Variants in MAN2A2 observed in about 807,000 individuals in gnomAD.
MAN2A2 encodes mannosidase alpha class 2A member 2.
A neutral mutation model predicts 126.8 loss-of-function variants in MAN2A2; 79 were observed. The observed-to-expected ratio is 0.62, with a 90% confidence interval of 0.52 to 0.75. MAN2A2 has a LOEUF of 0.75. Ranked by LOEUF, MAN2A2 falls within the 30% of genes least tolerant of loss-of-function variation. MAN2A2 has a pLI of 0.00. For missense variants in MAN2A2, 1,392 were observed against 1,522.4 expected, an observed-to-expected ratio of 0.91 and a Z score of 1.43; for synonymous variants, 671 against 618.7, an observed-to-expected ratio of 1.08 and a Z score of -1.25.
Position 90,919,705 on chromosome 15 carries a change from A to T in MAN2A2, c.3371A>T (p.Tyr1124Phe). Residue 1124 changes from tyrosine (Y) to phenylalanine (F), a missense_variant, in exon 23 of 23, where the codon TAC (tyrosine) becomes TTC (phenylalanine). Coordinates refer to ENST00000559717, the MANE Select transcript of MAN2A2 (RefSeq NM_006122.4). Reference protein sequence around the residue: ...FLQPTSLTLLYPLASPSNSTD... With the variant: ...FLQPTSLTLLFPLASPSNSTD... ...CAGCCAACCTCCTTGACGTTACTGT[A>T]CCCTCTGGCCTCCCCGTCCAACAGC... The T allele has an allele frequency of 6.2e-7, 1 of 1,614,088 alleles. No individual in the cohort carries two copies. Among genetic ancestry groups the T allele is most frequent in the Non-Finnish European group, 8.5e-7 (1 of 1,180,016 alleles).
chr15:90,906,265 A>G (rs1365159956), intron 5 of MAN2A2, 105 bp from the exon 6 acceptor site: 2 of 1,470,084 alleles, frequency 1.4e-6, no homozygotes, highest in Non-Finnish European at 9.3e-7. Flanking sequence ...TGGGATTGGG[A>G]GAACTGGTCC....
chr15:90,918,423 A>G, intron 21 of MAN2A2, 35 bp downstream of exon 21: 1 of 1,594,496 alleles, frequency 6.3e-7, no homozygotes, highest in Non-Finnish European at 8.6e-7. Flanking sequence ...CTGAGAGCAG[A>G]GTTCTGATGG....
chr15:90,913,030 T>C lies in MAN2A2; in HGVS notation c.2584+39T>C, dbSNP rs765894336. ...ATGAGGAAGGGTCTGGAAGGAGGTGTGGGCTCCACAACTGTGGCGTATTCT... is the reference window on the plus strand; with the variant it reads ...ATGAGGAAGGGTCTGGAAGGAGGTGCGGGCTCCACAACTGTGGCGTATTCT... On this transcript the variant is annotated intron_variant, in intron 17 of 22. Transcript: ENST00000559717. 19 of 1,535,322 alleles carry C rather than the reference T, an allele frequency of 1.2e-5. No homozygotes were observed. In the East Asian group the frequency reaches 4.3e-4, roughly 35 times the overall value.
intron 5 of MAN2A2, 88 bp from the exon 6 acceptor site, chr15:90,906,282 G>GT (rs1432970512): frequency 1.9e-6 from 3 of 1,547,082 alleles, no homozygotes; most frequent in Non-Finnish European, 2.6e-6. Context: ...GTCCAGTGAG[G>GT]CCAGTGCACA....
At position 90,910,908 on chromosome 15, in the gene MAN2A2, CT is replaced by C. The variant is rs1333342252; in HGVS notation, c.1823del (p.Leu608ArgfsTer23). On this transcript the variant is annotated frameshift_variant, in exon 12 of 23. Transcript: ENST00000559717. LOFTEE classifies it high-confidence loss of function. ...VIIHAAHYLV[L>X]GDKETYHFDP... ...CATTCATGCAGCCCACTATCTGGTGCTGGGGGACAAGGAGACCTACCACTTT... is the reference window on the plus strand; with the variant it reads ...CATTCATGCAGCCCACTATCTGGTGCGGGGGACAAGGAGACCTACCACTTT... The C allele has an allele frequency of 6.2e-7, 1 of 1,614,080 alleles. No individual in the cohort carries two copies. Among genetic ancestry groups the C allele is most frequent in the East Asian group, 2.2e-5 (1 of 44,896 alleles).
Position 90,911,528 on chromosome 15 carries a change from A to C in MAN2A2, c.2087A>C (p.Glu696Ala). 1 of 1,613,150 alleles carries C rather than the reference A, an allele frequency of 6.2e-7. No individual in the cohort carries two copies. Among genetic ancestry groups the C allele is most frequent in the East Asian group, 2.2e-5 (1 of 44,858 alleles). ...QISAHWSSAT[E>A]AVPDVYQVSV... ...AGCGCACACTGGAGCTCTGCCACCG[A>C]GGCGGTCCCTGACGTCTACCAGGTG... Residue 696 changes from glutamate (E) to alanine (A), a missense_variant, in exon 14 of 23, where the codon GAG (glutamate) becomes GCG (alanine). Transcript: ENST00000559717.
chr15:90,918,589 A>G, intron 21 of MAN2A2, 56 bp from the exon 22 acceptor site: 1 of 1,322,322 alleles, frequency 7.6e-7, no homozygotes. Flanking sequence ...GCGCTGCTGC[A>G]TCTCCGATCT....
rs142603191 is a variant in MAN2A2, at chr15:90,912,608, C to T, written c.2413C>T (p.Arg805Cys). 56 of 1,614,166 alleles carry T rather than the reference C, an allele frequency of 3.5e-5. No individual in the cohort carries two copies. The highest frequency in any genetic ancestry group is 5.5e-5 in the South Asian group (5 of 91,090). ...CATGCAGGTCCTTGTCTATGGCACC[C>T]GTACGTCCAAAGACAAGAGTGGAGC... ...VDMQVLVYGT[R>C]TSKDKSGAYL... is the part of the protein sequence containing the mutation. The change falls in exon 16 of 23, where the codon CGT becomes TGT. Residue 805 changes from arginine to cysteine, a missense_variant. Coordinates refer to ENST00000559717, the MANE Select transcript of MAN2A2 (RefSeq NM_006122.4).
At chr15:90,912,734 A>T in intron 16 of MAN2A2, 70 bp downstream of exon 16, 4 of 1,601,120 alleles carry the variant, frequency 2.5e-6, no homozygotes, top group Non-Finnish European at 3.4e-6. Flanking sequence ...CCACAGGTTT[A>T]TTGCTGCCTG....
At position 90,918,684 on chromosome 15, in the gene MAN2A2, C is replaced by T; in HGVS notation, c.3229C>T (p.His1077Tyr). The stretch of plus-strand genomic sequence containing the variant: ...CTCGGCGGAGACCGCACTCATCTTA[C>T]ACCGCAAGGGTTTTGACTGCGGCCT... ...LPSAETALIL[H>Y]RKGFDCGLEA... is the part of the protein sequence containing the mutation. Residue 1077 changes from histidine to tyrosine, a missense_variant, in exon 22 of 23, where the codon CAC (histidine) becomes TAC (tyrosine). Coordinates refer to ENST00000559717, the MANE Select transcript of MAN2A2 (RefSeq NM_006122.4). 2 of 1,521,694 alleles carry T rather than the reference C, an allele frequency of 1.3e-6. No homozygotes were observed. Among genetic ancestry groups the T allele is most frequent in the Admixed American group, 1.7e-5 (1 of 59,872 alleles). The allele number at this position is 1,521,694 out of a possible 1,614,324, so 94.3% of individuals were successfully genotyped here. A position where few individuals can be genotyped will look rare whatever the true frequency, so the allele number is the denominator to read the frequency against.
chr15:90,913,021 A>C (rs760088422), intron 17 of MAN2A2, 30 bp downstream of exon 17: 1 of 1,574,446 alleles, frequency 6.4e-7, no homozygotes, highest in Non-Finnish European at 8.7e-7. Context: ...AAGGGTCTGG[A>C]AGGAGGTGTG....
chr15:90,918,778 G>C (rs1233502515), intron 22 of MAN2A2, 23 bp downstream of exon 22: 10 of 1,483,086 alleles, frequency 6.7e-6, no homozygotes, highest in Non-Finnish European at 9.4e-6. Context: ...GGGAAACAGA[G>C]CACCTAGGAA....
chr15:90,910,540 T>C lies in MAN2A2; in HGVS notation c.1617T>C (p.Ala539=), dbSNP rs1489994752. 1 of 1,614,090 alleles carries C rather than the reference T, an allele frequency of 6.2e-7. No homozygotes were observed. The highest frequency in any genetic ancestry group is 8.5e-7 in the Non-Finnish European group (1 of 1,180,018). The change falls in exon 11 of 23, where the codon GCT becomes GCC. Residue 539 remains alanine (A), a synonymous_variant. Coordinates refer to ENST00000559717, the MANE Select transcript of MAN2A2 (RefSeq NM_006122.4). ...EVLYSLAAAH[A]RRSGLAGRYP... The stretch of plus-strand genomic sequence containing the variant: ...TGTACAGCCTGGCTGCAGCTCACGC[T>C]CGCCGCTCTGGTCTGGCTGGCCGGT...
chr15:90,903,962 G>A (rs1268314574), intron 1 of MAN2A2: 8 of 557,276 alleles, frequency 1.4e-5, no homozygotes, highest in Admixed American at 7.8e-5. Context: ...CTTATCCTGG[G>A]CCCGTTTTTC....
At position 90,922,123 on chromosome 15, in the gene MAN2A2, A is replaced by G. The variant is rs1322413798; in HGVS notation, c.*2336A>G. 2 of 152,246 alleles carry G rather than the reference A, an allele frequency of 1.3e-5. No individual in the cohort carries two copies. Among genetic ancestry groups the G allele is most frequent in the Non-Finnish European group, 1.5e-5 (1 of 68,042 alleles). The allele number at this position is 152,246 out of a possible 1,614,324, so 9.4% of individuals were successfully genotyped here. A position where few individuals can be genotyped will look rare whatever the true frequency, so the allele number is the denominator to read the frequency against. ...AAAAAATATCGAAAGTCTCTGTGTGATGGAAAACATCAAGGTTAAAACACA... is the reference window on the plus strand; with the variant it reads ...AAAAAATATCGAAAGTCTCTGTGTGGTGGAAAACATCAAGGTTAAAACACA... On this transcript the variant is annotated 3_prime_UTR_variant, in exon 23 of 23. Transcript: ENST00000559717.
chr15:90,907,512 C>G lies in MAN2A2; in HGVS notation c.1196+17C>G, dbSNP rs1039507880. The G allele has an allele frequency of 1.2e-6, 2 of 1,603,190 alleles. No individual in the cohort carries two copies. The highest frequency in any genetic ancestry group is 1.7e-6 in the Non-Finnish European group (2 of 1,176,882). Reference sequence around the variant, plus strand: ...GGCAGAGAGGTATCTGCTTCCAGCCCTTTCACTTCACAGAGGAATCGGGAG... The same window carrying G: ...GGCAGAGAGGTATCTGCTTCCAGCCGTTTCACTTCACAGAGGAATCGGGAG... On this transcript the variant is annotated intron_variant, in intron 8 of 22. Transcript: ENST00000559717.
intron 17 of MAN2A2, 130 bp downstream of exon 17, chr15:90,913,121 C>G: frequency 8.3e-7 from 1 of 1,204,012 alleles, no homozygotes; most frequent in Non-Finnish European, 1.2e-6. Context: ...GCTCCATTCT[C>G]TTGGAGAAAA....
In MAN2A2 at chr15:90,911,373, T is replaced by C; in HGVS notation, c.1944-12T>C. The C allele has an allele frequency of 1.2e-6, 2 of 1,614,042 alleles. No individual in the cohort carries two copies. The highest frequency in any genetic ancestry group is 8.5e-7 in the Non-Finnish European group (1 of 1,179,898). On this transcript the variant is annotated splice_polypyrimidine_tract_variant and intron_variant, in intron 13 of 22. Coordinates refer to ENST00000559717, the MANE Select transcript of MAN2A2 (RefSeq NM_006122.4). ...CAGCAGCCTCCTGGGTCAGCCCACC[T>C]TCTACGCACAGGTTTGTGGTCCTAT...
chr15:90,912,644 C>T lies in MAN2A2; in HGVS notation c.2449C>T (p.Leu817=). 1 of 1,614,178 alleles carries T rather than the reference C, an allele frequency of 6.2e-7. No individual in the cohort carries two copies. The highest frequency in any genetic ancestry group is 1.1e-5 in the South Asian group (1 of 91,090). The change falls in exon 16 of 23, where the codon CTG becomes TTG. Residue 817 remains leucine, a synonymous_variant. Coordinates refer to ENST00000559717, the MANE Select transcript of MAN2A2 (RefSeq NM_006122.4). The part of the protein sequence containing the change: ...SKDKSGAYLF[L]PDGEAKPYVP... ...AGACAAGAGTGGAGCCTACCTCTTC[C>T]TGCCCGATGGCGAGGCCAAGGTATC...
Sources: allele counts gnomAD v4.1 joint callset, GRCh38; gene constraint gnomAD v4.1.1; transcripts MANE v1.5; gene names NCBI Gene and HGNC (gene_info 2026-07-23, HGNC 2026-07-21).